The following SWT1 variants were observed in gnomAD, a reference collection of about 807,000 sequenced individuals.
SWT1 encodes SWT1 RNA endoribonuclease homolog, also known as transcriptional protein SWT1.
In SWT1, 33 loss-of-function variants were observed where a neutral mutation model predicts 107.3. The ratio of observed to expected loss-of-function variants is 0.31; its 90% CI spans 0.23 to 0.41. SWT1 has a LOEUF of 0.41. Among genes scored for constraint, SWT1 ranks in the 10% least tolerant of loss-of-function variants. The pLI is 1.00. For missense variants in SWT1, 898 were observed against 1,028.9 expected (o/e 0.87, Z 1.74); for synonymous variants, 345 against 348.3 (o/e 0.99, Z 0.11).
intron 4 of SWT1, among the ~76,000 whole-genome samples, chr1:185,171,101 C>G (rs957049683): frequency 6.6e-6 from 1 of 152,124 alleles, no homozygotes; most frequent in Non-Finnish European, 1.5e-5. Flanking sequence ...GTCAGTTCCC[C>G]TAAAGTCACC....
chr1:185,181,579 AACTT>A (rs1276436772), intron 6 of SWT1, among the ~76,000 whole-genome samples: 2 of 152,236 alleles, frequency 1.3e-5, no homozygotes, highest in Non-Finnish European at 2.9e-5. Context: ...AATGAGAATG[AACTT>A]ACTTTAATGT....
At chr1:185,235,834 T>G (rs940732397) in intron 16 of SWT1, among the ~76,000 whole-genome samples, 3 of 152,284 alleles carry the variant, frequency 2.0e-5, no homozygotes, top group South Asian at 4.1e-4. Flanking sequence ...CTCCTTAAGC[T>G]GATAAGCAAC....
intron 16 of SWT1, among the ~76,000 whole-genome samples, chr1:185,250,107 T>G (rs1661898990): frequency 6.6e-6 from 1 of 152,190 alleles, no homozygotes. Context: ...TGAACCTGTA[T>G]GGACAATGCT....
At chr1:185,281,088 A>G (rs1664590030) in intron 18 of SWT1, 1 of 267,538 alleles carries the variant, frequency 3.7e-6, no homozygotes, top group Non-Finnish European at 7.4e-6. Flanking sequence ...TATTTGGAAA[A>G]CATTTATGGA....
chr1:185,236,440 A>G (rs1365739621), intron 16 of SWT1, among the ~76,000 whole-genome samples: 3 of 152,164 alleles, frequency 2.0e-5, no homozygotes, highest in Non-Finnish European at 4.4e-5. Context: ...TTGATCTTTG[A>G]CAAACCTGAC....
intron 9 of SWT1, among the ~76,000 whole-genome samples, chr1:185,190,296 G>C (rs536572463): frequency 1.3e-5 from 2 of 152,236 alleles, no homozygotes; most frequent in East Asian, 3.9e-4. Flanking sequence ...TGGTACCTTT[G>C]TTATAGTTGA....
chr1:185,177,947 TCTAGGTA>T (rs1471423788), intron 5 of SWT1, among the ~76,000 whole-genome samples: 1 of 152,224 alleles, frequency 6.6e-6, no homozygotes, highest in Non-Finnish European at 1.5e-5. Context: ...CAGGCATTTT[TCTAGGTA>T]CTAGGTATTT....
At chr1:185,204,659 G>T in intron 11 of SWT1, 41 bp from the exon 12 acceptor site, 2 of 1,193,088 alleles carry the variant, frequency 1.7e-6, no homozygotes, top group Non-Finnish European at 2.4e-6. Flanking sequence ...AATAATTACT[G>T]TTAGCATTCT....
chr1:185,233,286 G>A (rs866007197), intron 16 of SWT1, among the ~76,000 whole-genome samples: 8 of 152,208 alleles, frequency 5.3e-5, no homozygotes, highest in East Asian at 3.9e-4. Flanking sequence ...AGGGCTTTTC[G>A]TGTCTCTGTC....
chr1:185,277,417 T>C (rs1395590853), intron 18 of SWT1, among the ~76,000 whole-genome samples: 6 of 152,104 alleles, frequency 3.9e-5, no homozygotes, highest in African/African-American at 1.4e-4. Flanking sequence ...CCCTCCCAAG[T>C]AGCTGGGATT....
At chr1:185,286,649 ATT>A (rs1429205177) in intron 18 of SWT1, among the ~76,000 whole-genome samples, 1 of 152,084 alleles carries the variant, frequency 6.6e-6, no homozygotes, top group Non-Finnish European at 1.5e-5. Context: ...AATACAATTG[ATT>A]TTGTGTGTTG....
chr1:185,263,061 A>G (rs1663139626), intron 16 of SWT1, among the ~76,000 whole-genome samples: 1 of 152,296 alleles, frequency 6.6e-6, no homozygotes, highest in South Asian at 2.1e-4. Flanking sequence ...TGCTGGCATT[A>G]CAGGCATGAG....
intron 16 of SWT1, among the ~76,000 whole-genome samples, chr1:185,261,324 A>C (rs933631076): frequency 6.6e-6 from 1 of 152,096 alleles, no homozygotes; most frequent in Non-Finnish European, 1.5e-5. Flanking sequence ...ATGTTGTGGC[A>C]TGTGTCAGAA....
intron 16 of SWT1, chr1:185,263,687 C>T (rs1663187213): frequency 6.6e-6 from 1 of 152,120 alleles, no homozygotes; most frequent in Admixed American, 6.5e-5. Flanking sequence ...ATTTCCAGTC[C>T]ACTTCTCATG....
intron 7 of SWT1, among the ~76,000 whole-genome samples, chr1:185,183,205 A>T (rs925375879): frequency 6.6e-6 from 1 of 151,140 alleles, no homozygotes; most frequent in Non-Finnish European, 1.5e-5. Context: ...GTGTTTTCCT[A>T]TGTATTATCT....
At chr1:185,259,564 C>G (rs1281950682) in intron 16 of SWT1, among the ~76,000 whole-genome samples, 6 of 152,054 alleles carry the variant, frequency 3.9e-5, no homozygotes, top group Non-Finnish European at 7.4e-5. Flanking sequence ...CAGTAACTGT[C>G]AACTGAATCA....
chr1:185,231,036 G>A lies in SWT1; in HGVS notation c.2310-541G>A, dbSNP rs112880960. ...AGTGTTGAGATGACATGGGTGAGCC[G>A]TCTCGCCCAGCCTAGTTTGGTATTT... On this transcript the variant is annotated intron_variant, in intron 15 of 18. Coordinates refer to ENST00000367500, the MANE Select transcript of SWT1 (RefSeq NM_017673.7). 1.9e-3 allele frequency among the ~76,000 whole-genome samples: 283 copies of A among 152,218 alleles called. 2 individuals are homozygous for A. Among genetic ancestry groups the A allele is most frequent in the African/African-American group, 6.6e-3 (273 of 41,542 alleles).
At position 185,174,899 on chromosome 1, in the gene SWT1, A is replaced by T; in HGVS notation, c.752A>T (p.Asn251Ile). The change falls in exon 5 of 19, where the codon AAT becomes ATT. Residue 251 changes from asparagine to isoleucine, a missense_variant. By Grantham distance (149) the Asn-to-Ile change is moderately radical. This residue lies in a region of SWT1 where 382 missense variants were observed against 362.4 expected (regional missense o/e 1.05). Coordinates refer to ENST00000367500, the MANE Select transcript of SWT1 (RefSeq NM_017673.7). Reference sequence around the variant, plus strand: ...ACCCTCCAGAAACTTGTAGAAGAAAATGTCTTCAACATAGATTCTAATAAT... The same window carrying T: ...ACCCTCCAGAAACTTGTAGAAGAAATTGTCTTCAACATAGATTCTAATAAT... ...RDTLQKLVEENVFNIDSNNSK... is the reference protein window; with the variant it reads ...RDTLQKLVEEIVFNIDSNNSK... 6.2e-7 allele frequency: 1 copy of T among 1,614,042 alleles called. No individual in the cohort carries two copies. Among genetic ancestry groups the T allele is most frequent in the Non-Finnish European group, 8.5e-7 (1 of 1,179,960 alleles).
intron 3 of SWT1, among the ~76,000 whole-genome samples, chr1:185,167,661 C>A (rs781005584): frequency 1.1e-4 from 17 of 152,182 alleles, no homozygotes; most frequent in Non-Finnish European, 2.4e-4. Flanking sequence ...CCTTAACTAT[C>A]CAGTTTTCTT....
Sources: allele counts gnomAD v4.1 joint callset (sites outside exome capture counted in the v4.1 genomes callset), GRCh38; gene constraint gnomAD v4.1.1; regional missense constraint gnomAD v4.1.1; transcripts MANE v1.5; gene names NCBI Gene and HGNC (gene_info 2026-07-23, HGNC 2026-07-21).